Variants in PCGF6 observed in about 807,000 individuals in gnomAD.
The protein encoded by PCGF6 is polycomb group RING finger protein 6.
Under a neutral mutation model 45.5 loss-of-function variants are expected in PCGF6, and 24 were observed. The ratio of observed to expected loss-of-function variants is 0.53; its 90% CI spans 0.38 to 0.74. The LOEUF (loss-of-function observed/expected upper bound fraction) is 0.74. Ranked by LOEUF, PCGF6 falls within the 30% of genes least tolerant of loss-of-function variation. PCGF6 has a pLI of 0.00. For missense variants in PCGF6, 356 were observed against 443.2 expected, an observed-to-expected ratio of 0.80 and a Z score of 1.77; for synonymous variants, 152 against 162.1, an observed-to-expected ratio of 0.94 and a Z score of 0.47.
chr10:103,334,261 G>T lies in PCGF6; in HGVS notation c.783-309C>A, dbSNP rs143921941. On this transcript the variant is annotated intron_variant, in intron 6 of 9. Coordinates refer to ENST00000369847, the MANE Select transcript of PCGF6 (RefSeq NM_001011663.2). Reference sequence around the variant, plus strand: ...TTTCCAGCTTTATTAGGGGATAATAGACAAATTAAAATTGTGTATATCTAT... The same window carrying T: ...TTTCCAGCTTTATTAGGGGATAATATACAAATTAAAATTGTGTATATCTAT... Among the ~76,000 whole-genome samples, 105 of 152,090 alleles carry T rather than the reference G, an allele frequency of 6.9e-4. No individual in the cohort carries two copies. The East Asian group carries it at 0.017, about 24-fold the overall frequency.
chr10:103,338,839 G>A (rs2093268194), intron 6 of PCGF6, among the ~76,000 whole-genome samples: 1 of 151,962 alleles, frequency 6.6e-6, no homozygotes, highest in Admixed American at 6.6e-5. Context: ...CTACACTCCA[G>A]CCTGGACAAG....
intron 7 of PCGF6, among the ~76,000 whole-genome samples, chr10:103,332,088 G>A (rs557988528): frequency 8.5e-5 from 13 of 152,162 alleles, no homozygotes; most frequent in South Asian, 2.1e-4. Flanking sequence ...CACCGCGCCC[G>A]GCCTAATACA....
chr10:103,340,755 G>T lies in PCGF6; in HGVS notation c.782+4269C>A, dbSNP rs115960857. The stretch of plus-strand genomic sequence containing the variant: ...GGGACTACAGGTGCATGCCACCATG[G>T]CCAATTAATTTTCTTTTCGTATTTT... On this transcript the variant is annotated intron_variant, in intron 6 of 9. Coordinates refer to ENST00000369847, the MANE Select transcript of PCGF6 (RefSeq NM_001011663.2). Among the ~76,000 whole-genome samples the T allele has an allele frequency of 3.7e-3, 569 of 151,838 alleles. 2 individuals are homozygous for T. The highest frequency in any genetic ancestry group is 0.013 in the African/African-American group (538 of 41,428).
At chr10:103,343,297 A>G (rs372106066) in intron 6 of PCGF6, among the ~76,000 whole-genome samples, 2 of 151,880 alleles carry the variant, frequency 1.3e-5, no homozygotes, top group Middle Eastern at 6.8e-3. Flanking sequence ...TAAAGCACAC[A>G]CTAGATAATA....
Position 103,351,046 on chromosome 10 carries a change from C to A in PCGF6, c.21G>T (p.Val7=). The change falls in exon 1 of 10, where the codon GTG becomes GTT. Residue 7 remains valine, a synonymous_variant. Transcript: ENST00000369847. ...TGGCAGCGCCTACGCTGCCCGCCGT[C>A]ACCACCGCGACCCCCTCCATGGTCG... The part of the protein sequence containing the change: MEGVAV[V]TAGSVGAAKT... The A allele has an allele frequency of 7.2e-7, 1 of 1,390,576 alleles. No homozygotes were observed. Among genetic ancestry groups the A allele is most frequent in the South Asian group, 1.8e-5 (1 of 56,730 alleles). The allele number at this position is 1,390,576 out of a possible 1,614,324, so 86.1% of individuals were successfully genotyped here. A position where few individuals can be genotyped will look rare whatever the true frequency, so the allele number is the denominator to read the frequency against.
At chr10:103,325,941 C>A (rs533044350) in intron 8 of PCGF6, among the ~76,000 whole-genome samples, 1 of 151,890 alleles carries the variant, frequency 6.6e-6, no homozygotes, top group East Asian at 1.9e-4. Flanking sequence ...GAGGGAGGAC[C>A]ACCCAAGCCC....
At chr10:103,315,992 GTGTATATA>G (rs1409158305) in intron 8 of PCGF6, among the ~76,000 whole-genome samples, 1 of 112,400 alleles carries the variant, frequency 8.9e-6, no homozygotes, top group African/African-American at 3.2e-5. Flanking sequence ...GTGTGTGTGT[GTGTATATA>G]TATATATATA....
In PCGF6 at chr10:103,323,025, G is replaced by A. The variant is rs1001396781; in HGVS notation, c.909+3509C>T. 5.9e-5 allele frequency among the ~76,000 whole-genome samples: 9 copies of A among 151,988 alleles called. 1 individual carries two copies. The highest frequency in any genetic ancestry group is 1.2e-4 in the Non-Finnish European group (8 of 68,012). ...TATCACTTCTTTTTCTATAATAAGGGCAAGTCTTCTGCTTTTAGAAATAAC... is the reference window on the plus strand; with the variant it reads ...TATCACTTCTTTTTCTATAATAAGGACAAGTCTTCTGCTTTTAGAAATAAC... On this transcript the variant is annotated intron_variant, in intron 8 of 9. Transcript: ENST00000369847.
intron 5 of PCGF6, among the ~76,000 whole-genome samples, chr10:103,345,431 G>A (rs1283943846): frequency 6.6e-6 from 1 of 151,904 alleles, no homozygotes; most frequent in African/African-American, 2.4e-5. Context: ...ATGTGTCAGG[G>A]CTCATACTTA....
At chr10:103,339,139 G>A (rs1038309141) in intron 6 of PCGF6, among the ~76,000 whole-genome samples, 1 of 152,200 alleles carries the variant, frequency 6.6e-6, no homozygotes, top group Non-Finnish European at 1.5e-5. Context: ...AAAGGGTGAG[G>A]TGCAGTGGCT....
chr10:103,304,029 A>G (rs1321006197), intron 9 of PCGF6, 68 bp from the exon 10 acceptor site: 48 of 1,324,470 alleles, frequency 3.6e-5, no homozygotes, highest in Non-Finnish European at 5.1e-5. Flanking sequence ...GATCAAGTCA[A>G]AGCTGGCTTA....
At chr10:103,343,968 T>C (rs557654381) in intron 6 of PCGF6, among the ~76,000 whole-genome samples, 10 of 151,574 alleles carry the variant, frequency 6.6e-5, no homozygotes, top group African/African-American at 1.5e-4. Context: ...AGGAGATACA[T>C]ATGAATTTGT....
At chr10:103,333,478 C>T (rs571136680) in intron 7 of PCGF6, among the ~76,000 whole-genome samples, 2 of 152,142 alleles carry the variant, frequency 1.3e-5, no homozygotes, top group East Asian at 1.9e-4. Flanking sequence ...ACAATGTTAC[C>T]TGTGATTTCG....
Position 103,350,770 on chromosome 10 carries a change from C to T in PCGF6, c.297G>A (p.Glu99=). The change falls in exon 1 of 10, where the codon GAG becomes GAA. Residue 99 remains glutamate, a synonymous_variant. Transcript: ENST00000369847. Reference sequence around the variant, plus strand: ...GCCTCAACGAGAAGTGACTCATGTCCTCCTCCTCCTCCTCTTCTTCCTCCT... The same window carrying T: ...GCCTCAACGAGAAGTGACTCATGTCTTCCTCCTCCTCCTCTTCTTCCTCCT... ...ELEEEEEEEE[E]DMSHFSLRLE... 6.5e-7 allele frequency: 1 copy of T among 1,540,068 alleles called. No individual in the cohort carries two copies. The highest frequency in any genetic ancestry group is 2.4e-5 in the East Asian group (1 of 40,832).
At chr10:103,328,253 A>T (rs1349871768) in intron 7 of PCGF6, among the ~76,000 whole-genome samples, 1 of 152,176 alleles carries the variant, frequency 6.6e-6, no homozygotes, top group Non-Finnish European at 1.5e-5. Flanking sequence ...ATGGCTACCT[A>T]GGGAACCGAG....
chr10:103,313,554 G>A (rs1231700958), intron 9 of PCGF6, among the ~76,000 whole-genome samples: 1 of 151,940 alleles, frequency 6.6e-6, no homozygotes, highest in Non-Finnish European at 1.5e-5. Context: ...AACAGATCAA[G>A]ACCTTGTCTC....
intron 6 of PCGF6, 54 bp from the exon 7 acceptor site, chr10:103,334,006 A>C: frequency 8.3e-7 from 1 of 1,200,976 alleles, no homozygotes; most frequent in Non-Finnish European, 1.1e-6. Context: ...CTATATGTTT[A>C]ATCATAAAAC....
chr10:103,350,933 G>A lies in PCGF6; in HGVS notation c.134C>T (p.Pro45Leu), dbSNP rs1242206426. Residue 45 changes from proline to leucine, a missense_variant, in exon 1 of 10, where the codon CCG becomes CTG. Physicochemically the swap from Pro to Leu is moderately conservative, Grantham distance 98 (BLOSUM62 -3). This residue lies in a region of PCGF6 where 307 missense variants were observed against 350.1 expected (regional missense o/e 0.88). Transcript: ENST00000369847. ...TPAPAAGEEG[P>L]APLSETGAPG... The stretch of plus-strand genomic sequence containing the variant: ...AGCCCCCGTCTCAGACAGAGGCGCC[G>A]GTCCCTCCTCACCCGCTGCGGGTGC... 3.3e-6 allele frequency: 5 copies of A among 1,513,798 alleles called. No individual in the cohort carries two copies. The highest frequency in any genetic ancestry group is 4.4e-6 in the Non-Finnish European group (5 of 1,137,496). The allele number at this position is 1,513,798 out of a possible 1,614,324, so 93.8% of individuals were successfully genotyped here.
chr10:103,343,669 C>T (rs536526396), intron 6 of PCGF6, among the ~76,000 whole-genome samples: 1 of 151,652 alleles, frequency 6.6e-6, no homozygotes, highest in Non-Finnish European at 1.5e-5. Flanking sequence ...CCTGTCTCTA[C>T]TAAAACTACA....
Sources: allele counts gnomAD v4.1 joint callset (sites outside exome capture counted in the v4.1 genomes callset), GRCh38; gene constraint gnomAD v4.1.1; regional missense constraint gnomAD v4.1.1; transcripts MANE v1.5; gene names NCBI Gene and HGNC (gene_info 2026-07-23, HGNC 2026-07-21).